Variants in CD83 observed in about 807,000 individuals in gnomAD.
The protein encoded by CD83 is CD83 antigen.
A neutral mutation model predicts 24.6 loss-of-function variants in CD83; 22 were observed. That is an observed-to-expected ratio of 0.90 (90% CI 0.64 to 1.28). CD83 has a LOEUF of 1.28. Among genes scored for constraint, CD83 ranks in the 50% most tolerant of loss-of-function variants. The pLI is 0.00. For synonymous variants in CD83, 101 were observed against 103.5 expected (o/e 0.98, Z 0.14); for missense variants, 253 against 252.8 (o/e 1.00, Z -0.01).
intron 2 of CD83, among the ~76,000 whole-genome samples, chr6:14,121,240 G>A (rs1189439878): frequency 6.6e-6 from 1 of 152,022 alleles, no homozygotes; most frequent in Non-Finnish European, 1.5e-5. Context: ...CATGAAGATG[G>A]CTCACTGCAG....
At chr6:14,126,850 G>A (rs1420213925) in intron 2 of CD83, among the ~76,000 whole-genome samples, 1 of 152,060 alleles carries the variant, frequency 6.6e-6, no homozygotes, top group Non-Finnish European at 1.5e-5. Context: ...GAATACATCA[G>A]ATTAATTTAA....
chr6:14,135,529 A>G lies in CD83; in HGVS notation c.*293A>G. The G allele has an allele frequency of 1.3e-5, 4 of 313,900 alleles. No homozygotes were observed. The highest frequency in any genetic ancestry group is 2.4e-5 in the Non-Finnish European group (4 of 168,718). 19.4% of individuals were successfully genotyped at this position (313,900 alleles called of 1,614,324 possible). ...ACATTTTTTCAGTCATATAAAAGCT[A>G]TGGTGAGATGCAGCTGGAAAAGGGT... On this transcript the variant is annotated 3_prime_UTR_variant, in exon 5 of 5. Coordinates refer to ENST00000379153, the MANE Select transcript of CD83 (RefSeq NM_004233.4).
chr6:14,126,943 T>A (rs1314107743), intron 2 of CD83, among the ~76,000 whole-genome samples: 4 of 152,084 alleles, frequency 2.6e-5, no homozygotes, highest in African/African-American at 9.7e-5. Flanking sequence ...TGTTTTTTTT[T>A]CTTTTAGGTA....
intron 2 of CD83, among the ~76,000 whole-genome samples, chr6:14,121,616 CAAAAAAA>C (rs57805122): frequency 3.7e-5 from 2 of 53,770 alleles, no homozygotes; most frequent in African/African-American, 8.0e-5. Flanking sequence ...CTGTCTCTAC[CAAAAAAA>C]AAAAAAAAAA....
chr6:14,133,268 C>T (rs938069988), intron 3 of CD83, among the ~76,000 whole-genome samples: 1 of 152,214 alleles, frequency 6.6e-6, no homozygotes, highest in Non-Finnish European at 1.5e-5. Flanking sequence ...ACAAAATAAG[C>T]CAGGAAAGGC....
chr6:14,120,976 A>G (rs551732878), intron 2 of CD83, among the ~76,000 whole-genome samples: 58 of 152,326 alleles, frequency 3.8e-4, no homozygotes, highest in African/African-American at 1.3e-3. Flanking sequence ...AGGTGAAGCC[A>G]AAAGTGGACA....
chr6:14,117,899 C>T lies in CD83; in HGVS notation c.37+51C>T, dbSNP rs1460348705. The stretch of plus-strand genomic sequence containing the variant: ...CCTGTCGCCCCCCGCCCCTCCACGA[C>T]ACCCCCTCCCGTCGGTCGCTTGCTC... On this transcript the variant is annotated intron_variant, in intron 1 of 4. Coordinates refer to ENST00000379153, the MANE Select transcript of CD83 (RefSeq NM_004233.4). The surrounding 1 kb of genome is among the most constrained non-coding windows in gnomAD (Gnocchi z 4.6). 1 of 1,581,386 alleles carries T rather than the reference C, an allele frequency of 6.3e-7. No individual in the cohort carries two copies. The highest frequency in any genetic ancestry group is 1.1e-5 in the South Asian group (1 of 87,860).
In CD83 at chr6:14,135,284, T is replaced by A; in HGVS notation, c.*48T>A. The A allele has an allele frequency of 6.3e-7, 1 of 1,593,592 alleles. No homozygotes were observed. The highest frequency in any genetic ancestry group is 8.6e-7 in the Non-Finnish European group (1 of 1,165,688). Reference sequence around the variant, plus strand: ...TTCCTGAAGCTGAGGCTCAGGGGTGTGCCTGTCTGTTACACTGGAGGAGAG... The same window carrying A: ...TTCCTGAAGCTGAGGCTCAGGGGTGAGCCTGTCTGTTACACTGGAGGAGAG... On this transcript the variant is annotated 3_prime_UTR_variant, in exon 5 of 5. Coordinates refer to ENST00000379153, the MANE Select transcript of CD83 (RefSeq NM_004233.4).
intron 2 of CD83, among the ~76,000 whole-genome samples, chr6:14,126,462 C>T (rs539701994): frequency 1.1e-4 from 16 of 152,248 alleles, no homozygotes; most frequent in African/African-American, 3.9e-4. Context: ...TGGCCAAGAG[C>T]AGAGGTAGCC....
intron 2 of CD83, 73 bp downstream of exon 2, chr6:14,118,138 G>A (rs1384464965): frequency 4.4e-6 from 5 of 1,124,588 alleles, no homozygotes; most frequent in East Asian, 2.9e-5. Context: ...TCTCCCCTAG[G>A]CTGGCGACCC....
chr6:14,128,224 G>A (rs746029237), intron 2 of CD83, among the ~76,000 whole-genome samples: 1 of 152,164 alleles, frequency 6.6e-6, no homozygotes, highest in South Asian at 2.1e-4. Context: ...TGGTGCCTCT[G>A]CCACAGTTAG....
Position 14,118,046 on chromosome 6 carries a change from A to G in CD83, c.134A>G (p.Tyr45Cys), listed in dbSNP as rs773292889. The change falls in exon 2 of 5, where the codon TAC becomes TGC. Residue 45 changes from tyrosine (Y) to cysteine (C), a missense_variant. Tyr to Cys is a radical substitution (Grantham distance 194, BLOSUM62 -2). Coordinates refer to ENST00000379153, the MANE Select transcript of CD83 (RefSeq NM_004233.4). ...GCCCCCTGGGATCCGCAGGTTCCCTACACGGTCTCCTGGGTCAAGGTAGGT... is the reference window on the plus strand; with the variant it reads ...GCCCCCTGGGATCCGCAGGTTCCCTGCACGGTCTCCTGGGTCAAGGTAGGT... ...CTAPWDPQVP[Y>C]TVSWVKLLEG... 5.6e-6 allele frequency: 9 copies of G among 1,608,790 alleles called. No individual in the cohort carries two copies. Among genetic ancestry groups the G allele is most frequent in the South Asian group, 2.2e-5 (2 of 90,338 alleles).
chr6:14,120,983 G>T (rs1171967353), intron 2 of CD83, among the ~76,000 whole-genome samples: 1 of 152,166 alleles, frequency 6.6e-6, no homozygotes, highest in African/African-American at 2.4e-5. Flanking sequence ...GCCAAAAGTG[G>T]ACAGAGATAT....
chr6:14,132,853 G>C (rs1757946707), intron 3 of CD83, among the ~76,000 whole-genome samples: 1 of 152,170 alleles, frequency 6.6e-6, no homozygotes, highest in South Asian at 2.1e-4. Flanking sequence ...CTCCTGCCTG[G>C]GGCATCAAGC....
Position 14,136,228 on chromosome 6 carries a change from C to T in CD83, c.*992C>T, listed in dbSNP as rs1345570011. On this transcript the variant is annotated 3_prime_UTR_variant, in exon 5 of 5. Coordinates refer to ENST00000379153, the MANE Select transcript of CD83 (RefSeq NM_004233.4). ...AAACATATAAAGCACTATACAGATT[C>T]GAAACTCCATTGAGTCATTATCCTT... 1.3e-5 allele frequency: 2 copies of T among 152,152 alleles called. No homozygotes were observed. The highest frequency in any genetic ancestry group is 2.9e-5 in the Non-Finnish European group (2 of 68,030). 9.4% of individuals were successfully genotyped at this position (152,152 alleles called of 1,614,324 possible).
intron 2 of CD83, among the ~76,000 whole-genome samples, chr6:14,121,016 C>A (rs1201138419): frequency 6.6e-6 from 1 of 152,198 alleles, no homozygotes; most frequent in Admixed American, 6.5e-5. Context: ...TGGCCCAGCT[C>A]TTCTCTTCTA....
chr6:14,118,214 G>T (rs889769327), intron 2 of CD83, 149 bp downstream of exon 2: 8 of 590,250 alleles, frequency 1.4e-5, no homozygotes, highest in African/African-American at 1.3e-4. Context: ...CCAGCCTCCC[G>T]TCGCGCCTCC....
chr6:14,128,777 C>T (rs938987726), intron 2 of CD83, among the ~76,000 whole-genome samples: 1 of 152,104 alleles, frequency 6.6e-6, no homozygotes, highest in Non-Finnish European at 1.5e-5. Context: ...CTTTGTTTTG[C>T]CATTTAAAAA....
chr6:14,128,434 G>A (rs1371817597), intron 2 of CD83, among the ~76,000 whole-genome samples: 1 of 152,144 alleles, frequency 6.6e-6, no homozygotes, highest in Non-Finnish European at 1.5e-5. Flanking sequence ...AGAAAGTTTA[G>A]CTGAAAATGT....
Sources: allele counts gnomAD v4.1 joint callset (sites outside exome capture counted in the v4.1 genomes callset), GRCh38; gene constraint gnomAD v4.1.1; non-coding constraint Gnocchi (gnomAD v3.1); transcripts MANE v1.5; gene names NCBI Gene and HGNC (gene_info 2026-07-23, HGNC 2026-07-21).